Variants in ROBO1 observed in about 807,000 individuals in gnomAD.
ROBO1 encodes the protein roundabout homolog 1.
A neutral mutation model predicts 195.9 loss-of-function variants in ROBO1; 149 were observed. The observed-to-expected ratio is 0.76, with a 90% confidence interval of 0.67 to 0.87. ROBO1 has a LOEUF of 0.87. Ranked by LOEUF, ROBO1 falls within the 40% of genes least tolerant of loss-of-function variation. The pLI, the probability that ROBO1 is intolerant of heterozygous loss-of-function variation, is 0.00. For missense variants in ROBO1, 1,933 were observed against 2,068.3 expected (o/e 0.93, Z 1.27); for synonymous variants, 816 against 733.2 (o/e 1.11, Z -1.82).
At chr3:79,506,470 T>G (rs111509626) in intron 2 of ROBO1, among the ~76,000 whole-genome samples, 27 of 152,202 alleles carry the variant, frequency 1.8e-4, no homozygotes, top group African/African-American at 6.5e-4. Context: ...AATTTTTTTT[T>G]TTTGAGATGG....
At chr3:79,494,366 T>C (rs752494978) in intron 2 of ROBO1, among the ~76,000 whole-genome samples, 2 of 152,126 alleles carry the variant, frequency 1.3e-5, no homozygotes, top group South Asian at 2.1e-4. Flanking sequence ...TAAAAATAGG[T>C]TCTTTAGATA....
intron 4 of ROBO1, among the ~76,000 whole-genome samples, chr3:78,760,636 A>G (rs1576109841): frequency 6.6e-6 from 1 of 152,200 alleles, no homozygotes; most frequent in South Asian, 2.1e-4. Context: ...TTTATGTGTT[A>G]TATGCTTTTG....
chr3:79,447,170 G>A (rs2039289509), intron 2 of ROBO1, among the ~76,000 whole-genome samples: 1 of 152,062 alleles, frequency 6.6e-6, no homozygotes, highest in Non-Finnish European at 1.5e-5. Flanking sequence ...ACTGCGCCTG[G>A]CCCTAACACA....
chr3:79,383,874 G>A (rs923267022), intron 2 of ROBO1, among the ~76,000 whole-genome samples: 4 of 152,008 alleles, frequency 2.6e-5, no homozygotes, highest in Admixed American at 6.6e-5. Flanking sequence ...GTGATTTACA[G>A]TAAAAATGCT....
At chr3:78,602,289 A>ACTCT (rs375616904) in intron 29 of ROBO1, among the ~76,000 whole-genome samples, 1 of 148,918 alleles carries the variant, frequency 6.7e-6, no homozygotes, top group Non-Finnish European at 1.5e-5. Flanking sequence ...CCTCCATCCC[A>ACTCT]CTCTCTCTCT....
At chr3:79,473,879 A>C (rs1004639124) in intron 2 of ROBO1, among the ~76,000 whole-genome samples, 1 of 152,168 alleles carries the variant, frequency 6.6e-6, no homozygotes, top group Non-Finnish European at 1.5e-5. Context: ...TGCATTATGC[A>C]TTTCATACCG....
intron 4 of ROBO1, among the ~76,000 whole-genome samples, chr3:78,785,152 TAA>T (rs1333856336): frequency 6.6e-6 from 1 of 152,224 alleles, no homozygotes; most frequent in African/African-American, 2.4e-5. Context: ...TGCAACGATA[TAA>T]AGTCTAAGAT....
chr3:78,996,798 T>C (rs935804325), intron 3 of ROBO1, among the ~76,000 whole-genome samples: 1 of 152,168 alleles, frequency 6.6e-6, no homozygotes, highest in Admixed American at 6.5e-5. Flanking sequence ...ACAAATATTG[T>C]TTGTGTGTAC....
At chr3:79,544,927 AG>A (rs1942208163) in intron 2 of ROBO1, among the ~76,000 whole-genome samples, 1 of 152,122 alleles carries the variant, frequency 6.6e-6, no homozygotes, top group African/African-American at 2.4e-5. Flanking sequence ...CTTAACTAAC[AG>A]GTTTTTCTGA....
intron 8 of ROBO1, among the ~76,000 whole-genome samples, chr3:78,695,712 A>G (rs2081274689): frequency 6.6e-6 from 1 of 152,012 alleles, no homozygotes; most frequent in Admixed American, 6.6e-5. Flanking sequence ...ACATCAGCTA[A>G]CATGGAAGCT....
chr3:79,059,090 C>T (rs760711087), intron 3 of ROBO1, among the ~76,000 whole-genome samples: 15 of 152,002 alleles, frequency 9.9e-5, no homozygotes, highest in African/African-American at 2.2e-4. Context: ...TAGTGAGTCT[C>T]GAATATTGCA....
At chr3:79,619,057 A>G (rs76214199) in intron 1 of ROBO1, among the ~76,000 whole-genome samples, 6 of 6,284 alleles carry the variant, frequency 9.5e-4, no homozygotes, top group African/African-American at 2.0e-3. Flanking sequence ...CTGCGAGGAC[A>G]CCTGCCCTCA....
rs375666349 is a variant in ROBO1, at chr3:78,859,756, TG to T, written c.499+78844del. 5.8e-3 allele frequency among the ~76,000 whole-genome samples: 888 copies of T among 152,068 alleles called. 9 individuals are homozygous for T. Among genetic ancestry groups the T allele is most frequent in the African/African-American group, 0.021 (856 of 41,496 alleles). On this transcript the variant is annotated intron_variant, in intron 4 of 30. Coordinates refer to ENST00000464233, the MANE Select transcript of ROBO1 (RefSeq NM_002941.4). ...ATGTGATAGCAATAAGAAGGGGCAT[TG>T]GGAAATAAAGTCAGCTTAAGTGCAT...
At chr3:78,975,994 A>G (rs1031672758) in intron 3 of ROBO1, among the ~76,000 whole-genome samples, 2 of 152,228 alleles carry the variant, frequency 1.3e-5, no homozygotes, top group Non-Finnish European at 2.9e-5. Context: ...CGTAAAAGTC[A>G]GCCTAATTTT....
intron 29 of ROBO1, among the ~76,000 whole-genome samples, chr3:78,606,313 G>C (rs1265376185): frequency 6.6e-6 from 1 of 152,124 alleles, no homozygotes; most frequent in Non-Finnish European, 1.5e-5. Flanking sequence ...ACTAGGACTA[G>C]AGGCATGTGC....
At chr3:78,927,309 T>A (rs1164743264) in intron 4 of ROBO1, among the ~76,000 whole-genome samples, 5 of 152,188 alleles carry the variant, frequency 3.3e-5, no homozygotes, top group Non-Finnish European at 7.3e-5. Context: ...AATAAAGGAA[T>A]CACGAAGACA....
chr3:78,688,277 TATC>T (rs2107838368), intron 9 of ROBO1, among the ~76,000 whole-genome samples: 1 of 152,278 alleles, frequency 6.6e-6, no homozygotes, highest in Non-Finnish European at 1.5e-5. Context: ...ACTGAATAAT[TATC>T]ATCTGTTTTA....
chr3:78,940,545 T>G (rs539921670), intron 3 of ROBO1, among the ~76,000 whole-genome samples: 1 of 152,320 alleles, frequency 6.6e-6, no homozygotes, highest in East Asian at 1.9e-4. Flanking sequence ...ACAAGTACCT[T>G]GCGCATCCTC....
At chr3:78,721,763 T>C (rs977380166) in intron 5 of ROBO1, among the ~76,000 whole-genome samples, 38 of 152,230 alleles carry the variant, frequency 2.5e-4, no homozygotes, top group African/African-American at 8.7e-4. Flanking sequence ...TTCAGTATAA[T>C]ACAGTACTAA....
Sources: allele counts gnomAD v4.1 joint callset (sites outside exome capture counted in the v4.1 genomes callset), GRCh38; gene constraint gnomAD v4.1.1; transcripts MANE v1.5; gene names NCBI Gene and HGNC (gene_info 2026-07-23, HGNC 2026-07-21).